Variants in TRAP1 observed in about 807,000 individuals in gnomAD.
TRAP1 encodes the protein heat shock protein 75 kDa, mitochondrial.
In TRAP1, 102 loss-of-function variants were observed where a neutral mutation model predicts 89.1. That is an observed-to-expected ratio of 1.15 (90% confidence interval 0.98 to 1.35). The LOEUF (loss-of-function observed/expected upper bound fraction) is 1.35, where lower values mean the gene tolerates loss of function less well. Ranked by LOEUF, TRAP1 falls within the 40% of genes most tolerant of loss-of-function variation. The pLI, the probability that TRAP1 is intolerant of heterozygous loss-of-function variation, is 0.00. For missense variants in TRAP1, 1,256 were observed against 945.3 expected, an observed-to-expected ratio of 1.33 and a Z score of -4.31; for synonymous variants, 508 against 388.0, an observed-to-expected ratio of 1.31 and a Z score of -3.64.
At chr16:3,671,619 C>T (rs1226699858) in intron 11 of TRAP1, 103 bp downstream of exon 11, 1 of 1,313,902 alleles carries the variant, frequency 7.6e-7, no homozygotes, top group Admixed American at 2.0e-5. Context: ...CCGACCACCT[C>T]TGCTCTCAGC....
At chr16:3,695,808 C>G (rs778959752) in intron 1 of TRAP1, among the ~76,000 whole-genome samples, 1 of 152,096 alleles carries the variant, frequency 6.6e-6, no homozygotes, top group Non-Finnish European at 1.5e-5. Context: ...GCCCGATTTA[C>G]GCATGTGCCA....
intron 16 of TRAP1, chr16:3,660,934 ATAC>A (rs1404520859): frequency 2.7e-5 from 4 of 147,768 alleles, no homozygotes; most frequent in African/African-American, 9.7e-5. Flanking sequence ...AAAAATTAAA[ATAC>A]TACTTAGGCT....
chr16:3,696,457 C>T lies in TRAP1; in HGVS notation c.89-5472G>A, dbSNP rs892522118. On this transcript the variant is annotated intron_variant, in intron 1 of 17. Coordinates refer to ENST00000246957, the MANE Select transcript of TRAP1 (RefSeq NM_016292.3). Reference sequence around the variant, plus strand: ...GCACACTTAAACAGAGGAGGAGCAGCAGCTCTTCATCACAGCAGAATTCCA... The same window carrying T: ...GCACACTTAAACAGAGGAGGAGCAGTAGCTCTTCATCACAGCAGAATTCCA... Among the ~76,000 whole-genome samples the T allele has an allele frequency of 4.6e-5, 7 of 152,144 alleles. No individual in the cohort carries two copies. In the East Asian group the frequency reaches 1.3e-3, roughly 29 times the overall value.
intron 1 of TRAP1, among the ~76,000 whole-genome samples, chr16:3,697,419 C>A (rs553817113): frequency 6.6e-6 from 1 of 152,174 alleles, no homozygotes; most frequent in African/African-American, 2.4e-5. Context: ...AATCCCAGCA[C>A]TTTGGGAGGC....
At chr16:3,686,168 TGAA>T (rs1276682285) in intron 3 of TRAP1, 32 bp from the exon 4 acceptor site, 2 of 1,609,728 alleles carry the variant, frequency 1.2e-6, no homozygotes, top group East Asian at 4.5e-5. Flanking sequence ...GCACAGACAA[TGAA>T]GGACACTCAT....
At chr16:3,677,153 G>C (rs2051009277) in intron 6 of TRAP1, among the ~76,000 whole-genome samples, 1 of 152,106 alleles carries the variant, frequency 6.6e-6, no homozygotes, top group Non-Finnish European at 1.5e-5. Flanking sequence ...AGGGCTGGGA[G>C]GAAGCAGAAT....
At chr16:3,674,101 T>C (rs567170208) in intron 9 of TRAP1, among the ~76,000 whole-genome samples, 5 of 152,300 alleles carry the variant, frequency 3.3e-5, no homozygotes, top group Middle Eastern at 3.4e-3. Flanking sequence ...TTTCTTTTTT[T>C]TCAGAGATGG....
rs1177290834 is a variant in TRAP1 at position 3,658,155 on chromosome 16, G to A, written c.2089C>T (p.Leu697Phe). ...RAMVGRLNEL[L>F]VKALERH ...CAGTGTCGCTCCAGGGCCTTGACAA[G>A]CAGCTCATTCAAGCGGCCCACCATG... Residue 697 changes from leucine (L) to phenylalanine (F), a missense_variant, in exon 18 of 18, where the codon CTT becomes TTT. Transcript: ENST00000246957. 2 of 1,614,104 alleles carry A rather than the reference G, an allele frequency of 1.2e-6. No individual in the cohort carries two copies. The highest frequency in any genetic ancestry group is 2.2e-5 in the South Asian group (2 of 91,070).
chr16:3,667,290 T>C (rs781213720), intron 11 of TRAP1, among the ~76,000 whole-genome samples: 13 of 151,966 alleles, frequency 8.6e-5, no homozygotes, highest in East Asian at 1.9e-4. Flanking sequence ...CAATGGTAGA[T>C]TGGTTACATG....
Position 3,689,495 on chromosome 16 carries a change from C to G in TRAP1, c.248-358G>C, listed in dbSNP as rs116168944. ...TCCTGACCTCATGATTGGCCCGCCT[C>G]GGCCTCCCACACATTTAAGATCATG... On this transcript the variant is annotated intron_variant, in intron 2 of 17. Transcript: ENST00000246957. Among the ~76,000 whole-genome samples the G allele has an allele frequency of 2.2e-3, 339 of 152,246 alleles. 3 individuals carry two copies. The highest frequency in any genetic ancestry group is 7.6e-3 in the African/African-American group (316 of 41,554).
Position 3,661,986 on chromosome 16 carries a change from C to T in TRAP1, c.1940+1G>A, listed in dbSNP as rs1404572216. The T allele has an allele frequency of 1.2e-6, 2 of 1,603,766 alleles. No individual in the cohort carries two copies. Among genetic ancestry groups the T allele is most frequent in the East Asian group, 2.2e-5 (1 of 44,656 alleles). On this transcript the variant is annotated splice_donor_variant, in intron 16 of 17. Transcript: ENST00000246957. LOFTEE classifies it high-confidence loss of function. ...TGGAAGAGCCAGGAGCGTGGCCTCA[C>T]CTGGGGTTGATCTCCAGCGTGGGCT... is the stretch of plus-strand genomic sequence containing the variant.
At position 3,696,440 on chromosome 16, in the gene TRAP1, A is replaced by C. The variant is rs527799857; in HGVS notation, c.89-5455T>G. Among the ~76,000 whole-genome samples the C allele has an allele frequency of 3.6e-4, 55 of 152,200 alleles. 1 individual carries two copies. Among genetic ancestry groups the C allele is most frequent in the Admixed American group, 6.5e-4 (10 of 15,282 alleles). On this transcript the variant is annotated intron_variant, in intron 1 of 17. Coordinates refer to ENST00000246957, the MANE Select transcript of TRAP1 (RefSeq NM_016292.3). ...ATCAAGCAAACATCGGTGCACACTT[A>C]AACAGAGGAGGAGCAGCAGCTCTTC...
intron 1 of TRAP1, among the ~76,000 whole-genome samples, chr16:3,707,571 C>T (rs1003803130): frequency 6.6e-6 from 1 of 151,626 alleles, no homozygotes; most frequent in African/African-American, 2.4e-5. Flanking sequence ...AAAAGACAAA[C>T]ACCCGGGTGA....
At chr16:3,674,702 C>G in intron 8 of TRAP1, 2 of 610,048 alleles carry the variant, frequency 3.3e-6, no homozygotes. Context: ...GGGGCAGGAG[C>G]TCCTCAGGAC....
At position 3,689,141 on chromosome 16, in the gene TRAP1, G is replaced by C; in HGVS notation, c.248-4C>G. ...AACTCATGTTTGGAAGTGGAACCTA[G>C]TAATGAAACACAGACACAACCAACA... On this transcript the variant is annotated splice_polypyrimidine_tract_variant and splice_region_variant and intron_variant, in intron 2 of 17. Transcript: ENST00000246957. 1 of 1,609,444 alleles carries C rather than the reference G, an allele frequency of 6.2e-7. No homozygotes were observed. Among genetic ancestry groups the C allele is most frequent in the Non-Finnish European group, 8.5e-7 (1 of 1,177,028 alleles).
intron 4 of TRAP1, among the ~76,000 whole-genome samples, chr16:3,684,918 G>C (rs558259373): frequency 1.3e-5 from 2 of 152,304 alleles, no homozygotes; most frequent in East Asian, 1.9e-4. Context: ...TGTAAATCTA[G>C]AACTGTTCTT....
At chr16:3,668,706 C>A (rs2050870638) in intron 11 of TRAP1, among the ~76,000 whole-genome samples, 1 of 152,224 alleles carries the variant, frequency 6.6e-6, no homozygotes, top group African/African-American at 2.4e-5. Flanking sequence ...GCTTCGGGCA[C>A]TACCAGTGGG....
intron 12 of TRAP1, 88 bp from the exon 13 acceptor site, chr16:3,664,547 A>C (rs1246148371): frequency 5.7e-6 from 8 of 1,406,928 alleles, no homozygotes; most frequent in Non-Finnish European, 6.7e-6. Flanking sequence ...TCCGATGCCC[A>C]TGGCCTCCTG....
chr16:3,709,090 C>T (rs914168830), intron 1 of TRAP1, among the ~76,000 whole-genome samples: 32 of 151,776 alleles, frequency 2.1e-4, no homozygotes, highest in Non-Finnish European at 7.4e-5. Context: ...GCTGGGATTA[C>T]AGGCGTGAGC....
Sources: gnomAD v4.1 joint callset for allele counts (sites outside exome capture counted in the v4.1 genomes callset) on GRCh38, gnomAD v4.1.1 for gene constraint, MANE v1.5 for transcripts, NCBI Gene and HGNC (gene_info 2026-07-23, HGNC 2026-07-21) for gene names.